SSMEM1: variants seen among roughly 807,000 people sequenced by gnomAD.
SSMEM1 encodes serine rich single-pass membrane protein 1.
SSMEM1 carries 12 observed loss-of-function variants against 9.9 expected under a neutral mutation model. That is an observed-to-expected ratio of 1.21 (90% CI 0.78 to 1.96). The LOEUF is 1.96. Ranked by LOEUF, SSMEM1 falls within the 30% of genes most tolerant of loss-of-function variation. SSMEM1 has a pLI of 0.00. For missense variants in SSMEM1, 259 were observed against 292.2 expected (o/e 0.89, Z 0.83); for synonymous variants, 96 against 98.9 (o/e 0.97, Z 0.17).
intron 2 of SSMEM1, among the ~76,000 whole-genome samples, chr7:130,215,337 T>C (rs1317473756): frequency 1.3e-5 from 2 of 151,764 alleles, no homozygotes; most frequent in Non-Finnish European, 2.9e-5. Context: ...AAAAACAGCA[T>C]AGAGTTTCCA....
chr7:130,214,031 C>T (rs1193342942), intron 2 of SSMEM1, among the ~76,000 whole-genome samples: 2 of 152,226 alleles, frequency 1.3e-5, no homozygotes, highest in Non-Finnish European at 2.9e-5. Flanking sequence ...GGATTATGAA[C>T]TGTCTATGAC....
chr7:130,213,497 G>C lies in SSMEM1; in HGVS notation c.201G>C (p.Lys67Asn), dbSNP rs1420962974. Residue 67 changes from lysine to asparagine, a missense_variant, in exon 2 of 3, where the codon AAG (lysine) becomes AAC (asparagine). By Grantham distance (94) the Lys-to-Asn change is moderately conservative. Transcript: ENST00000297819. ...TGAAACAGATGTCTGAGGATAAAAAGGATGAAGGCAGTGGGACAAGTACTT... is the reference window on the plus strand; with the variant it reads ...TGAAACAGATGTCTGAGGATAAAAACGATGAAGGCAGTGGGACAAGTACTT... ...RASVWMSEDKKDEGSGTSTSV... is the reference protein window; with the variant it reads ...RASVWMSEDKNDEGSGTSTSV... 17 of 1,610,858 alleles carry C rather than the reference G, an allele frequency of 1.1e-5. No individual in the cohort carries two copies. Among genetic ancestry groups the C allele is most frequent in the Non-Finnish European group, 1.4e-5 (17 of 1,177,996 alleles).
At chr7:130,207,691 G>T (rs1408126876), upstream of SSMEM1, 3 of 659,248 alleles carry the variant, frequency 4.6e-6, no homozygotes, top group Admixed American at 2.1e-5. Context: ...ACCATATTGA[G>T]GTATGGGGGA....
chr7:130,208,694 T>C (rs1798534906), intron 1 of SSMEM1, among the ~76,000 whole-genome samples: 1 of 152,224 alleles, frequency 6.6e-6, no homozygotes, highest in Non-Finnish European at 1.5e-5. Context: ...ATAGGATACA[T>C]GCTGTAGGAT....
In SSMEM1 at chr7:130,211,244, G is replaced by A. The variant is rs372951166; in HGVS notation, c.184-2236G>A. ...GCAATCTCTGCTCACTGCAAGCTCC[G>A]CCTCTCAGGTTCACACCATTCTCCT... On this transcript the variant is annotated intron_variant, in intron 1 of 2. Coordinates refer to ENST00000297819, the MANE Select transcript of SSMEM1 (RefSeq NM_145268.4). Among the ~76,000 whole-genome samples the A allele has an allele frequency of 3.5e-3, 516 of 145,938 alleles. 6 individuals are homozygous for A. Among genetic ancestry groups the A allele is most frequent in the African/African-American group, 0.012 (474 of 39,262 alleles).
chr7:130,208,147 T>A, intron 1 of SSMEM1, 54 bp downstream of exon 1: 1 of 1,483,584 alleles, frequency 6.7e-7, no homozygotes, highest in Non-Finnish European at 9.0e-7. Flanking sequence ...ACTAGGAAAA[T>A]TTCCATAAAA....
chr7:130,209,195 A>G (rs916579298), intron 1 of SSMEM1, among the ~76,000 whole-genome samples: 3 of 152,182 alleles, frequency 2.0e-5, no homozygotes, highest in African/African-American at 7.2e-5. Context: ...CTGACATGAT[A>G]TCCTTGCTGG....
intron 2 of SSMEM1, among the ~76,000 whole-genome samples, 178 bp downstream of exon 2, chr7:130,213,712 A>G (rs576661505): frequency 6.2e-4 from 91 of 147,558 alleles, no homozygotes; most frequent in African/African-American, 2.2e-3. Flanking sequence ...AAAAAAAAAA[A>G]AAGAAAAGAA....
chr7:130,212,731 AAAAAC>A (rs1798615189), intron 1 of SSMEM1, among the ~76,000 whole-genome samples: 3 of 152,022 alleles, frequency 2.0e-5, no homozygotes, highest in African/African-American at 7.2e-5. Flanking sequence ...GTCTCAAAAA[AAAAAC>A]AAAAACAAAA....
chr7:130,214,436 T>A (rs1006374147), intron 2 of SSMEM1, among the ~76,000 whole-genome samples: 7 of 151,856 alleles, frequency 4.6e-5, no homozygotes, highest in African/African-American at 1.7e-4. Flanking sequence ...AATAAATAAA[T>A]AAAAATAAAT....
chr7:130,207,364 C>T (rs768885423), upstream of SSMEM1, among the ~76,000 whole-genome samples: 7 of 152,146 alleles, frequency 4.6e-5, no homozygotes. Context: ...TTTCTGTGCT[C>T]GTGAATCCTT....
Position 130,216,179 on chromosome 7 carries a change from G to A in SSMEM1, c.444G>A (p.Thr148=), listed in dbSNP as rs761009204. The A allele has an allele frequency of 1.4e-5, 22 of 1,614,160 alleles. No homozygotes were observed. Among genetic ancestry groups the A allele is most frequent in the Middle Eastern group, 1.6e-4 (1 of 6,062 alleles). The change falls in exon 3 of 3, where the codon ACG becomes ACA. Residue 148 remains threonine (T), a synonymous_variant. Transcript: ENST00000297819. ...VNQNQHDSDT[T]EYGSEESNSE... is the part of the protein sequence containing the mutation. ...AGAACCAACATGACAGTGATACTAC[G>A]GAGTATGGCAGTGAAGAGTCTAACT...
In SSMEM1 at chr7:130,216,611, G is replaced by T; in HGVS notation, c.*141G>T. ...CAAAAACATACTTGGAACCCAAGAG[G>T]TAAAATCTCACACAATTCTTCGTTC... On this transcript the variant is annotated 3_prime_UTR_variant, in exon 3 of 3. Coordinates refer to ENST00000297819, the MANE Select transcript of SSMEM1 (RefSeq NM_145268.4). The T allele has an allele frequency of 9.5e-7, 1 of 1,056,032 alleles. No individual in the cohort carries two copies. Among genetic ancestry groups the T allele is most frequent in the Non-Finnish European group, 1.3e-6 (1 of 743,324 alleles). 65.4% of individuals were successfully genotyped at this position (1,056,032 alleles called of 1,614,324 possible).
At chr7:130,208,193 AGTT>A (rs1798525408) in intron 1 of SSMEM1, 100 bp downstream of exon 1, 15 of 1,198,114 alleles carry the variant, frequency 1.3e-5, no homozygotes, top group Non-Finnish European at 1.6e-5. Flanking sequence ...TACTTTTAAA[AGTT>A]GTTTAGTTTT....
At chr7:130,211,124 A>C (rs921073930) in intron 1 of SSMEM1, among the ~76,000 whole-genome samples, 2 of 151,248 alleles carry the variant, frequency 1.3e-5, no homozygotes, top group Non-Finnish European at 2.9e-5. Flanking sequence ...TAAAATATTT[A>C]AGCCTCTTCC....
intron 2 of SSMEM1, 123 bp from the exon 3 acceptor site, chr7:130,215,851 G>A: frequency 2.2e-6 from 3 of 1,333,602 alleles, no homozygotes; most frequent in South Asian, 1.5e-5. Flanking sequence ...GGTGACTGGA[G>A]AAAAGCAATG....
intron 1 of SSMEM1, among the ~76,000 whole-genome samples, chr7:130,209,485 C>G: frequency 6.6e-6 from 1 of 152,162 alleles, no homozygotes; most frequent in East Asian, 1.9e-4. Flanking sequence ...TCTTAGACTC[C>G]CTAGCTAAGT....
chr7:130,205,483 T>C (rs1193087081), upstream of SSMEM1: 1 of 1,553,942 alleles, frequency 6.4e-7, no homozygotes, highest in African/African-American at 1.4e-5. Context: ...CCGGAAGAAC[T>C]AGGTAGTCTC....
At chr7:130,212,966 T>G (rs1798620421) in intron 1 of SSMEM1, among the ~76,000 whole-genome samples, 1 of 152,140 alleles carries the variant, frequency 6.6e-6, no homozygotes, top group South Asian at 2.1e-4. Flanking sequence ...GAAGTGGAAG[T>G]AGGATCACTA....
Sources: gnomAD v4.1 joint callset for allele counts (sites outside exome capture counted in the v4.1 genomes callset) on GRCh38, gnomAD v4.1.1 for gene constraint, MANE v1.5 for transcripts, NCBI Gene and HGNC (gene_info 2026-07-23, HGNC 2026-07-21) for gene names.